Variants in RIT2 observed in about 807,000 individuals in gnomAD.
RIT2 encodes Ras like without CAAX 2.
In RIT2, 24 loss-of-function variants were observed where a neutral mutation model predicts 23.7. The ratio of observed to expected loss-of-function variants is 1.01; its 90% CI spans 0.73 to 1.43. The LOEUF (loss-of-function observed/expected upper bound fraction) is 1.43. Ranked by LOEUF, RIT2 falls within the 40% of genes most tolerant of loss-of-function variation. The pLI is 0.00. For missense variants in RIT2, 236 were observed against 266.9 expected, an observed-to-expected ratio of 0.88 and a Z score of 0.81; for synonymous variants, 107 against 91.1, an observed-to-expected ratio of 1.17 and a Z score of -0.99.
chr18:42,927,571 T>G (rs1367561488), intron 3 of RIT2, among the ~76,000 whole-genome samples: 1 of 151,982 alleles, frequency 6.6e-6, no homozygotes, highest in Non-Finnish European at 1.5e-5. Flanking sequence ...GAATTAAAGA[T>G]CCCTATACTT....
chr18:42,909,799 A>T (rs938934803), intron 4 of RIT2, among the ~76,000 whole-genome samples: 20 of 152,076 alleles, frequency 1.3e-4, no homozygotes, highest in African/African-American at 4.8e-4. Context: ...AAAAAAAATT[A>T]TAAAAGATGA....
chr18:43,077,058 C>G (rs1212388243), intron 1 of RIT2, among the ~76,000 whole-genome samples: 9 of 143,968 alleles, frequency 6.3e-5, no homozygotes, highest in African/African-American at 1.8e-4. Flanking sequence ...AGCCGAGATC[C>G]CGCCACTGCA....
At chr18:43,024,707 AAACAACAACAACAACAACAACAAC>A (rs141467663) in intron 2 of RIT2, among the ~76,000 whole-genome samples, 1 of 150,332 alleles carries the variant, frequency 6.7e-6, no homozygotes, top group African/African-American at 2.4e-5. Flanking sequence ...GAACTCAAAC[AAACAACAACAACAACAACAACAAC>A]AACAACAACA....
intron 2 of RIT2, among the ~76,000 whole-genome samples, chr18:42,988,267 A>T (rs565178992): frequency 6.6e-6 from 1 of 152,334 alleles, no homozygotes; most frequent in Non-Finnish European, 1.5e-5. Context: ...ATTGTAAGAA[A>T]AGAGAAAATA....
At chr18:42,848,343 A>G (rs1380120454) in intron 4 of RIT2, among the ~76,000 whole-genome samples, 3 of 152,198 alleles carry the variant, frequency 2.0e-5, no homozygotes, top group Admixed American at 1.3e-4. Flanking sequence ...GCAGTATAAC[A>G]TGTTCAAGAC....
At chr18:42,998,522 A>C (rs1213503543) in intron 2 of RIT2, among the ~76,000 whole-genome samples, 3 of 152,082 alleles carry the variant, frequency 2.0e-5, no homozygotes, top group Non-Finnish European at 2.9e-5. Flanking sequence ...TAACAAGCTG[A>C]ATCTGATTTT....
chr18:42,865,117 T>C (rs1370761308), intron 4 of RIT2, among the ~76,000 whole-genome samples: 2 of 152,212 alleles, frequency 1.3e-5, no homozygotes, highest in Non-Finnish European at 2.9e-5. Flanking sequence ...ACCTCAGCCA[T>C]GAGCAGTATT....
chr18:43,000,419 G>C (rs1418824124), intron 2 of RIT2, among the ~76,000 whole-genome samples: 4 of 152,060 alleles, frequency 2.6e-5, no homozygotes, highest in African/African-American at 9.7e-5. Context: ...AGACTCAAGG[G>C]AGATCGATAC....
At chr18:42,911,452 CCTAAATCA>C (rs1908767542) in intron 4 of RIT2, among the ~76,000 whole-genome samples, 1 of 151,812 alleles carries the variant, frequency 6.6e-6, no homozygotes, top group Non-Finnish European at 1.5e-5. Context: ...TGAGACAAGA[CCTAAATCA>C]TAAAATCAGA....
intron 4 of RIT2, among the ~76,000 whole-genome samples, chr18:42,888,435 T>C (rs1023268238): frequency 2.0e-5 from 3 of 152,142 alleles, no homozygotes; most frequent in African/African-American, 7.2e-5. Flanking sequence ...ATCTCCAGAC[T>C]GATTTCCACA....
chr18:43,064,617 G>A (rs1424912149), intron 1 of RIT2, among the ~76,000 whole-genome samples: 2 of 152,098 alleles, frequency 1.3e-5, no homozygotes, highest in Non-Finnish European at 1.5e-5. Flanking sequence ...CTGGCTTCAT[G>A]TGATGTGTTT....
At chr18:42,770,302 G>A (rs142573949) in intron 4 of RIT2, among the ~76,000 whole-genome samples, 46 of 152,288 alleles carry the variant, frequency 3.0e-4, no homozygotes, top group African/African-American at 8.7e-4. Flanking sequence ...AAGTCACAAC[G>A]ACCTAGAGGC....
intron 4 of RIT2, among the ~76,000 whole-genome samples, chr18:42,921,481 C>A (rs748705526): frequency 6.6e-6 from 1 of 152,096 alleles, no homozygotes; most frequent in African/African-American, 2.4e-5. Flanking sequence ...CTGAAAGGAG[C>A]AGCTAATTAA....
At chr18:43,101,698 T>G (rs1329913863) in intron 1 of RIT2, among the ~76,000 whole-genome samples, 1 of 152,188 alleles carries the variant, frequency 6.6e-6, no homozygotes, top group Admixed American at 6.5e-5. Flanking sequence ...AAGCTAAGAA[T>G]GGCAGACCAC....
intron 1 of RIT2, among the ~76,000 whole-genome samples, chr18:43,085,985 T>A (rs1266421649): frequency 6.6e-6 from 1 of 152,204 alleles, no homozygotes; most frequent in African/African-American, 2.4e-5. Flanking sequence ...CCCAGCCATG[T>A]GGAATTGTGA....
chr18:42,869,557 C>T (rs1022875570), intron 4 of RIT2, among the ~76,000 whole-genome samples: 9 of 152,198 alleles, frequency 5.9e-5, no homozygotes, highest in Non-Finnish European at 1.2e-4. Flanking sequence ...TTTATCATCT[C>T]GTCATACATT....
chr18:43,026,410 TG>T (rs149189375), intron 2 of RIT2, among the ~76,000 whole-genome samples: 7,719 of 151,570 alleles, frequency 0.051, 404 homozygotes, highest in East Asian at 0.24. Flanking sequence ...AAAAATTAGC[TG>T]GGTGTGGTGG....
intron 1 of RIT2, among the ~76,000 whole-genome samples, chr18:43,095,388 T>C (rs891260118): frequency 4.2e-4 from 64 of 152,134 alleles, no homozygotes; most frequent in African/African-American, 1.5e-3. Context: ...TCATATGTTT[T>C]GCCCATTTTT....
At chr18:42,853,024 G>C (rs994713045) in intron 4 of RIT2, among the ~76,000 whole-genome samples, 3 of 151,990 alleles carry the variant, frequency 2.0e-5, no homozygotes, top group Non-Finnish European at 4.4e-5. Context: ...AGTAGAGACG[G>C]GGTTTCACCA....
Sources: allele counts gnomAD v4.1 joint callset (sites outside exome capture counted in the v4.1 genomes callset), GRCh38; gene constraint gnomAD v4.1.1; transcripts MANE v1.5; gene names NCBI Gene and HGNC (gene_info 2026-07-23, HGNC 2026-07-21).